Variants in CFAP54 observed in about 807,000 individuals in gnomAD.
CFAP54 encodes cilia- and flagella-associated protein 54.
A neutral mutation model predicts 370.4 loss-of-function variants in CFAP54; 290 were observed. The observed-to-expected ratio is 0.78, with a 90% confidence interval of 0.71 to 0.86. The LOEUF is 0.86. CFAP54 is among the 40% of genes least tolerant of loss of function. The pLI, the probability that CFAP54 is intolerant of heterozygous loss-of-function variation, is 0.00. For missense variants in CFAP54, 3,399 were observed against 3,528.7 expected (o/e 0.96, Z 0.93); for synonymous variants, 1,206 against 1,236.5 (o/e 0.98, Z 0.52).
intron 63 of CFAP54, among the ~76,000 whole-genome samples, chr12:96,803,557 G>T (rs1016747296): frequency 6.6e-6 from 1 of 152,050 alleles, no homozygotes; most frequent in African/African-American, 2.4e-5. Flanking sequence ...CAGATCTGCA[G>T]CAAAACTTCA....
At chr12:96,756,092 T>A (rs915507673) in intron 56 of CFAP54, among the ~76,000 whole-genome samples, 1 of 152,146 alleles carries the variant, frequency 6.6e-6, no homozygotes, top group Non-Finnish European at 1.5e-5. Context: ...CTATGATATC[T>A]GTGAAGGAGA....
At chr12:96,631,015 A>C (rs925884581) in intron 32 of CFAP54, among the ~76,000 whole-genome samples, 2 of 151,944 alleles carry the variant, frequency 1.3e-5, no homozygotes, top group African/African-American at 4.8e-5. Flanking sequence ...CTGTTTTTTT[A>C]AGTACACATT....
chr12:96,787,908 T>G (rs60319462), intron 62 of CFAP54, among the ~76,000 whole-genome samples: 4,125 of 150,298 alleles, frequency 0.027, 192 homozygotes, highest in African/African-American at 0.093. Context: ...AAAGTGAGGT[T>G]TTTTTTTTTT....
chr12:96,780,897 T>G (rs995751318), intron 60 of CFAP54, among the ~76,000 whole-genome samples: 1 of 152,164 alleles, frequency 6.6e-6, no homozygotes, highest in Admixed American at 6.5e-5. Flanking sequence ...TCCACTAAAA[T>G]TATGTATTTC....
intron 47 of CFAP54, among the ~76,000 whole-genome samples, chr12:96,705,769 A>G (rs1377043098): frequency 6.6e-6 from 1 of 152,116 alleles, no homozygotes; most frequent in Non-Finnish European, 1.5e-5. Flanking sequence ...TTTTTGCATA[A>G]AGGGAAAGAA....
intron 19 of CFAP54, among the ~76,000 whole-genome samples, chr12:96,569,078 A>AT (rs11400574): frequency 0.55 from 83,383 of 151,872 alleles, 23,418 homozygotes; most frequent in East Asian, 0.74. Flanking sequence ...CAAATATAGT[A>AT]TCATTATGTG....
At chr12:96,592,717 T>G (rs1253501932) in intron 24 of CFAP54, 80 bp downstream of exon 24, 1 of 447,104 alleles carries the variant, frequency 2.2e-6, no homozygotes, top group African/African-American at 2.0e-5. Context: ...GTTTTTTGAG[T>G]GATTGCATAG....
At chr12:96,519,661 T>C (rs749137660) in intron 6 of CFAP54, among the ~76,000 whole-genome samples, 7 of 152,226 alleles carry the variant, frequency 4.6e-5, no homozygotes, top group Non-Finnish European at 7.3e-5. Flanking sequence ...TATTTTTAAA[T>C]GACAAATAAT....
chr12:96,571,755 C>T (rs1328558163), intron 19 of CFAP54, among the ~76,000 whole-genome samples: 2 of 151,770 alleles, frequency 1.3e-5, no homozygotes, highest in Non-Finnish European at 2.9e-5. Flanking sequence ...TGTTACTTCC[C>T]TTTTTTCTAG....
At chr12:96,840,622 C>CTTTTTTTTTTTTTTTTTTTTTTTT (rs1491169613) in intron 66 of CFAP54, among the ~76,000 whole-genome samples, 1 of 67,026 alleles carries the variant, frequency 1.5e-5, no homozygotes, top group African/African-American at 3.8e-5. Context: ...TTCTCTGTTT[C>CTTTTTTTTTTTTTTTTTTTTTTTT]TTTCTTTTTT....
chr12:96,585,878 A>G (rs571432249), intron 22 of CFAP54, among the ~76,000 whole-genome samples: 4 of 152,114 alleles, frequency 2.6e-5, no homozygotes, highest in Non-Finnish European at 5.9e-5. Context: ...TGTGTAAGCA[A>G]TATACTTTCT....
intron 36 of CFAP54, 105 bp from the exon 37 acceptor site, chr12:96,657,777 G>T (rs1249664135): frequency 7.2e-6 from 6 of 833,626 alleles, no homozygotes; most frequent in Non-Finnish European, 1.1e-5. Context: ...TTTCTTTTCA[G>T]TTGAGTTCTT....
rs1229995042 is a variant in CFAP54, at chr12:96,870,263, GAAAA to G, written c.*15-4846_*15-4843del. ...CGACAGAGTGAGACTCCATCTCAAA[GAAAA>G]AAAAAAAAGAAAACAGATTATTACA... is the stretch of plus-strand genomic sequence containing the variant. On this transcript the variant is annotated intron_variant, in intron 67 of 67. Coordinates refer to ENST00000524981, the MANE Select transcript of CFAP54 (RefSeq NM_001306084.2). 3.1e-5 allele frequency among the ~76,000 whole-genome samples: 4 copies of G among 129,978 alleles called. No homozygotes were observed. The South Asian group carries it at 9.6e-4, about 31-fold the overall frequency. 85.3% of individuals were successfully genotyped at this position (129,978 alleles called of 152,430 possible).
At chr12:96,495,166 A>G (rs1592812179) in intron 1 of CFAP54, among the ~76,000 whole-genome samples, 1 of 152,342 alleles carries the variant, frequency 6.6e-6, no homozygotes, top group East Asian at 1.9e-4. Flanking sequence ...TACGTTTTTA[A>G]AAATGTGCTT....
chr12:96,595,500 AT>A (rs1445570180), intron 25 of CFAP54, among the ~76,000 whole-genome samples: 11 of 152,174 alleles, frequency 7.2e-5, no homozygotes, highest in Admixed American at 3.3e-4. Context: ...TCACTGACAC[AT>A]TTTTTGTCAT....
chr12:96,755,666 CT>C lies in CFAP54; in HGVS notation c.7841-773del, dbSNP rs71758359. On this transcript the variant is annotated intron_variant, in intron 56 of 67. Transcript: ENST00000524981. ...ATATCACATTTTCTTTTCTTTTTTC[CT>C]TTTTTTTTTTTTTTTTTTGAGACTA... is the stretch of plus-strand genomic sequence containing the variant. Among the ~76,000 whole-genome samples, 375 of 87,884 alleles carry C rather than the reference CT, an allele frequency of 4.3e-3. 2 individuals carry two copies. The highest frequency in any genetic ancestry group is 6.2e-3 in the South Asian group (17 of 2,726). 57.7% of individuals were successfully genotyped at this position (87,884 alleles called of 152,430 possible). A position where few individuals can be genotyped will look rare whatever the true frequency, so the allele number is the denominator to read the frequency against.
chr12:96,747,009 C>T (rs1410307626), intron 55 of CFAP54, among the ~76,000 whole-genome samples: 2 of 152,158 alleles, frequency 1.3e-5, no homozygotes, highest in African/African-American at 4.8e-5. Context: ...TATTGTAATG[C>T]TTACCATGTT....
At chr12:96,844,934 G>C (rs1287812280) in intron 66 of CFAP54, among the ~76,000 whole-genome samples, 1 of 152,144 alleles carries the variant, frequency 6.6e-6, no homozygotes, top group African/African-American at 2.4e-5. Context: ...TGCTTTTCTA[G>C]CTTCAACTTT....
chr12:96,856,383 T>C (rs1306246836), intron 66 of CFAP54, among the ~76,000 whole-genome samples: 5 of 152,202 alleles, frequency 3.3e-5, no homozygotes, highest in Non-Finnish European at 5.9e-5. Context: ...TATTGCATTG[T>C]CAGGCTGCAA....
Sources: gnomAD v4.1 joint callset for allele counts (sites outside exome capture counted in the v4.1 genomes callset) on GRCh38, gnomAD v4.1.1 for gene constraint, MANE v1.5 for transcripts, NCBI Gene and HGNC (gene_info 2026-07-23, HGNC 2026-07-21) for gene names.